The following NHSL1 variants were observed in gnomAD, a reference collection of about 807,000 sequenced individuals.
The protein encoded by NHSL1 is NHS-like protein 1.
In NHSL1, 48 loss-of-function variants were observed where a neutral mutation model predicts 95.0. The observed-to-expected ratio is 0.51, with a 90% confidence interval of 0.40 to 0.64. The LOEUF (loss-of-function observed/expected upper bound fraction) is 0.64. Ranked by LOEUF, NHSL1 falls within the 30% of genes least tolerant of loss-of-function variation. NHSL1 has a pLI of 0.00. For synonymous variants in NHSL1, 783 were observed against 833.9 expected (o/e 0.94, Z 1.05); for missense variants, 1,971 against 2,077.7 (o/e 0.95, Z 1.00).
At chr6:138,471,285 C>T (rs188583304) in intron 3 of NHSL1, among the ~76,000 whole-genome samples, 2 of 152,282 alleles carry the variant, frequency 1.3e-5, no homozygotes, top group Non-Finnish European at 2.9e-5. Flanking sequence ...TCTCTACACA[C>T]CCAGAAACCA....
chr6:138,587,973 G>A (rs973560451), intron 1 of NHSL1, among the ~76,000 whole-genome samples: 16 of 152,262 alleles, frequency 1.1e-4, no homozygotes, highest in African/African-American at 3.9e-4. Flanking sequence ...TCATGGTACA[G>A]ATGAGGAAAC....
upstream of NHSL1, chr6:138,692,608 A>T (rs780946921): frequency 5.6e-5 from 10 of 179,964 alleles, no homozygotes; most frequent in South Asian, 1.0e-3. This position sits in a 1 kb window ranked among gnomAD's most constrained non-coding sequence, Gnocchi z 4.0. Context: ...TCCCCGGCGC[A>T]GCGCGACAGG....
upstream of NHSL1, among the ~76,000 whole-genome samples, chr6:138,575,083 G>C (rs1333111403): frequency 6.6e-6 from 1 of 152,056 alleles, no homozygotes; most frequent in Non-Finnish European, 1.5e-5. Flanking sequence ...ATTTTTAGTA[G>C]AGACGGGGTT....
rs143714256 is a variant in NHSL1, at chr6:138,459,950, G to A, written c.340-12757C>T. The stretch of plus-strand genomic sequence containing the variant: ...TTCTTTTAATGAGCTGTCAGATTAC[G>A]TTTCCTAATGTGTTATTTATGATCT... On this transcript the variant is annotated intron_variant, in intron 3 of 7. Coordinates refer to ENST00000343505, the MANE Select transcript of NHSL1 (RefSeq NM_001144060.2). Among the ~76,000 whole-genome samples the A allele has an allele frequency of 2.4e-4, 37 of 152,186 alleles. 1 individual carries two copies. The East Asian group carries it at 6.4e-3, about 26-fold the overall frequency.
intron 5 of NHSL1, among the ~76,000 whole-genome samples, 166 bp downstream of exon 5, chr6:138,441,817 G>A (rs1776541163): frequency 6.6e-6 from 1 of 152,164 alleles, no homozygotes; most frequent in African/African-American, 2.4e-5. Context: ...CTCTCCATGG[G>A]ATGTTAAGAT....
chr6:138,532,329 G>A (rs576402519), intron 1 of NHSL1, among the ~76,000 whole-genome samples: 1 of 152,346 alleles, frequency 6.6e-6, no homozygotes, highest in Admixed American at 6.5e-5. Context: ...TGGAACAGTG[G>A]TGGTAGGGAA....
chr6:138,441,586 T>C (rs575493930), intron 5 of NHSL1, among the ~76,000 whole-genome samples: 4 of 152,334 alleles, frequency 2.6e-5, no homozygotes, highest in African/African-American at 2.4e-5. Context: ...ATTATAGTTA[T>C]AGTGAAAGTC....
intron 1 of NHSL1, among the ~76,000 whole-genome samples, chr6:138,523,081 CT>C (rs750385385): frequency 1.3e-5 from 2 of 149,038 alleles, no homozygotes; most frequent in Non-Finnish European, 3.0e-5. Flanking sequence ...CATCAACTAA[CT>C]GGCTTGGTGC....
At chr6:138,505,652 CAAAA>C (rs10559023) in intron 1 of NHSL1, among the ~76,000 whole-genome samples, 2 of 87,708 alleles carry the variant, frequency 2.3e-5, no homozygotes, top group Non-Finnish European at 2.3e-5. Context: ...GACTCCATTT[CAAAA>C]AAAAAAAAAA....
At chr6:138,464,269 C>A in intron 3 of NHSL1, 1 of 806,158 alleles carries the variant, frequency 1.2e-6, no homozygotes, top group Non-Finnish European at 2.0e-6. Flanking sequence ...CTGCCCACTT[C>A]CTGCTTTGGC....
chr6:138,646,038 A>G (rs1785016618), intron 1 of NHSL1, among the ~76,000 whole-genome samples: 1 of 152,240 alleles, frequency 6.6e-6, no homozygotes, highest in Non-Finnish European at 1.5e-5. Flanking sequence ...AAATACAAGC[A>G]GTTACCATAG....
rs752515695 is a variant in NHSL1 at position 138,424,225 on chromosome 6, C to G, written c.4677G>C (p.Glu1559Asp). 3 of 1,506,652 alleles carry G rather than the reference C, an allele frequency of 2.0e-6. No homozygotes were observed. The highest frequency in any genetic ancestry group is 2.7e-6 in the Non-Finnish European group (3 of 1,129,024). The allele number at this position is 1,506,652 out of a possible 1,614,324, so 93.3% of individuals were successfully genotyped here. A position where few individuals can be genotyped will look rare whatever the true frequency, so the allele number is the denominator to read the frequency against. ...CACAGAGCAGGCCGCCCTCGTCCAT[C>G]TCCTCCCTCGCCAGTCCGTCCAGGG... ...GCSLDGLAREEMDEGGLLCGE... is the reference protein window; with the variant it reads ...GCSLDGLAREDMDEGGLLCGE... The change falls in exon 8 of 8, where the codon GAG (glutamate) becomes GAC (aspartate). Residue 1559 changes from glutamate to aspartate, a missense_variant. Physicochemically the swap from Glu to Asp is conservative, Grantham distance 45 (BLOSUM62 2). Coordinates refer to ENST00000343505, the MANE Select transcript of NHSL1 (RefSeq NM_001144060.2). The surrounding 1 kb of genome is among the most constrained non-coding windows in gnomAD (Gnocchi z 5.9).
intron 1 of NHSL1, among the ~76,000 whole-genome samples, chr6:138,528,080 T>C (rs2128313778): frequency 6.6e-6 from 1 of 152,346 alleles, no homozygotes; most frequent in South Asian, 2.1e-4. Context: ...TGGTAAATTA[T>C]ACGTATAAAA....
intron 1 of NHSL1, among the ~76,000 whole-genome samples, chr6:138,628,413 T>G (rs1784774162): frequency 5.3e-5 from 8 of 152,188 alleles, no homozygotes. Flanking sequence ...TTGGGAAGCA[T>G]GTTAATGTTT....
At chr6:138,450,278 T>A (rs1777144948) in intron 3 of NHSL1, among the ~76,000 whole-genome samples, 1 of 152,214 alleles carries the variant, frequency 6.6e-6, no homozygotes, top group Non-Finnish European at 1.5e-5. Context: ...GAGTTTGAAT[T>A]TCAAGCTAGT....
At chr6:138,516,411 C>T (rs1239644805) in intron 1 of NHSL1, among the ~76,000 whole-genome samples, 1 of 152,134 alleles carries the variant, frequency 6.6e-6, no homozygotes, top group Non-Finnish European at 1.5e-5. Flanking sequence ...TCCCCGTCTG[C>T]TTACAATGTT....
chr6:138,592,312 A>G (rs1784241703), intron 1 of NHSL1, among the ~76,000 whole-genome samples: 1 of 152,202 alleles, frequency 6.6e-6, no homozygotes. Flanking sequence ...TGTAAAAACT[A>G]TATAGGCCAG....
intron 1 of NHSL1, among the ~76,000 whole-genome samples, chr6:138,596,105 G>A (rs960603233): frequency 2.0e-5 from 3 of 152,134 alleles, no homozygotes; most frequent in Non-Finnish European, 2.9e-5. Flanking sequence ...AAAGGTAATG[G>A]TCTGAATGCC....
chr6:138,500,535 C>T (rs567220462), upstream of NHSL1, among the ~76,000 whole-genome samples: 4 of 152,336 alleles, frequency 2.6e-5, no homozygotes, highest in South Asian at 8.3e-4. Flanking sequence ...TTTAGACAAC[C>T]TCTTATTTCA....
Sources: allele counts gnomAD v4.1 joint callset (sites outside exome capture counted in the v4.1 genomes callset), GRCh38; gene constraint gnomAD v4.1.1; non-coding constraint Gnocchi (gnomAD v3.1); transcripts MANE v1.5; gene names NCBI Gene and HGNC (gene_info 2026-07-23, HGNC 2026-07-21).